The following REC8 variants were observed in gnomAD, a reference collection of about 807,000 sequenced individuals.
REC8 encodes meiotic recombination protein REC8 homolog.
Under a neutral mutation model 78.3 loss-of-function variants are expected in REC8, and 42 were observed. That is an observed-to-expected ratio of 0.54 (90% CI 0.42 to 0.69). The LOEUF (loss-of-function observed/expected upper bound fraction) is 0.69. REC8 is among the 30% of genes least tolerant of loss of function. The probability of loss-of-function intolerance (pLI) is 0.00; values close to 1 mark genes in which losing one functional copy is unlikely to be tolerated. For synonymous variants in REC8, 268 were observed against 274.1 expected, an observed-to-expected ratio of 0.98 and a Z score of 0.22; for missense variants, 581 against 715.8, an observed-to-expected ratio of 0.81 and a Z score of 2.15.
In REC8 at chr14:24,172,578, A is replaced by T; in HGVS notation, c.26A>T (p.Gln9Leu). 1 of 1,613,250 alleles carries T rather than the reference A, an allele frequency of 6.2e-7. No individual in the cohort carries two copies. Among genetic ancestry groups the T allele is most frequent in the Admixed American group, 1.7e-5 (1 of 59,952 alleles). Residue 9 changes from glutamine (Q) to leucine (L), a missense_variant, in exon 1 of 19, where the codon CAG becomes CTG. Coordinates refer to ENST00000611366, the MANE Select transcript of REC8 (RefSeq NM_001048205.2). MFYYPNVL[Q>L]RHTGCFATIW... is the part of the protein sequence containing the mutation. The stretch of plus-strand genomic sequence containing the variant: ...ATGTTCTACTATCCCAACGTGCTTC[A>T]GCGCCACACCGGCTGCTTTGCCACC...
At chr14:24,180,366 G>C (rs1048554), downstream of REC8, 8 of 1,544,012 alleles carry the variant, frequency 5.2e-6, no homozygotes, top group Admixed American at 5.9e-5. Context: ...TGGTAAGGCA[G>C]AACTGAACTG....
rs569079829 is a variant in REC8, at chr14:24,173,886, G to A, written c.462+475G>A. On this transcript the variant is annotated intron_variant, in intron 5 of 18. Transcript: ENST00000611366. ...TTACTATTATTATTATTATTTTTGAGACAGGATCTTGCTCTGTGGCCCAGG... is the reference window on the plus strand; with the variant it reads ...TTACTATTATTATTATTATTTTTGAAACAGGATCTTGCTCTGTGGCCCAGG... 3.6e-4 allele frequency among the ~76,000 whole-genome samples: 55 copies of A among 152,042 alleles called. No individual in the cohort carries two copies. The South Asian group carries it at 5.0e-3, about 14-fold the overall frequency.
chr14:24,180,393 T>TA (rs747717354), downstream of REC8: 1 of 1,582,562 alleles, frequency 6.3e-7, no homozygotes, highest in African/African-American at 1.3e-5. Flanking sequence ...GAGGTGGTCT[T>TA]AAGGCCTGGG....
intron 7 of REC8, 97 bp from the exon 8 acceptor site, chr14:24,177,044 C>T: frequency 3.6e-6 from 5 of 1,374,426 alleles, no homozygotes; most frequent in East Asian, 2.3e-5. Context: ...TTGAACCTGG[C>T]CCTGTGGCAT....
At chr14:24,179,155 G>A (rs762628592) in intron 15 of REC8, 22 bp downstream of exon 15, 42 of 1,553,298 alleles carry the variant, frequency 2.7e-5, no homozygotes, top group South Asian at 5.8e-5. Context: ...GAGAAGAGGC[G>A]CAGTGGGACC....
chr14:24,175,963 A>T (rs1167172709), intron 6 of REC8, among the ~76,000 whole-genome samples: 1 of 151,156 alleles, frequency 6.6e-6, no homozygotes. Flanking sequence ...TCGGCCTCCC[A>T]AAGTGCTAGG....
chr14:24,175,732 T>C (rs1456325878), intron 6 of REC8, 108 bp downstream of exon 6: 2 of 757,198 alleles, frequency 2.6e-6, no homozygotes, highest in Non-Finnish European at 4.4e-6. Flanking sequence ...GGCGCTTTTT[T>C]TTTTTTTCGA....
chr14:24,176,977 T>C, intron 7 of REC8, 76 bp downstream of exon 7: 4 of 1,405,824 alleles, frequency 2.8e-6, no homozygotes, highest in Non-Finnish European at 4.0e-6. Flanking sequence ...AGTCCTGCCT[T>C]TTCTGTCTCC....
At position 24,172,327 on chromosome 14, in the gene REC8, C is replaced by T; in HGVS notation, c.-226C>T. ...GGCGTGCGGATCCACTGAGGGTCCACAGAGAGGGGCGCCCATCTCCTGCGT... is the reference window on the plus strand; with the variant it reads ...GGCGTGCGGATCCACTGAGGGTCCATAGAGAGGGGCGCCCATCTCCTGCGT... On this transcript the variant is annotated 5_prime_UTR_variant, in exon 1 of 19. Coordinates refer to ENST00000611366, the MANE Select transcript of REC8 (RefSeq NM_001048205.2). 2 of 568,492 alleles carry T rather than the reference C, an allele frequency of 3.5e-6. No individual in the cohort carries two copies. The highest frequency in any genetic ancestry group is 2.9e-5 in the East Asian group (1 of 34,216). The allele number at this position is 568,492 out of a possible 1,614,324, so 35.2% of individuals were successfully genotyped here.
intron 13 of REC8, 52 bp downstream of exon 13, chr14:24,178,724 T>A: frequency 6.2e-7 from 1 of 1,612,758 alleles, no homozygotes; most frequent in South Asian, 1.1e-5. Flanking sequence ...AATTCCTCAT[T>A]CCTGGTGCTC....
chr14:24,179,551 A>C, intron 16 of REC8, 44 bp from the exon 17 acceptor site: 2 of 1,613,988 alleles, frequency 1.2e-6, no homozygotes, highest in South Asian at 1.1e-5. Flanking sequence ...GCCCCTTGTC[A>C]CTGTCACAGC....
rs1393246383 is a variant in REC8 at position 24,180,025 on chromosome 14, A to G, written c.1574A>G (p.Gln525Arg). 21 of 1,614,132 alleles carry G rather than the reference A, an allele frequency of 1.3e-5. No homozygotes were observed. The highest frequency in any genetic ancestry group is 1.8e-5 in the Non-Finnish European group (21 of 1,180,014). The change falls in exon 19 of 19, where the codon CAG becomes CGG. Residue 525 changes from glutamine to arginine, a missense_variant. Physicochemically the swap from Gln to Arg is conservative, Grantham distance 43. Coordinates refer to ENST00000611366, the MANE Select transcript of REC8 (RefSeq NM_001048205.2). Reference sequence around the variant, plus strand: ...TCTTGACCAGTGCTCTCAGCGCAACAGATTCTTCACGTGAAACAAGAAAAG... The same window carrying G: ...TCTTGACCAGTGCTCTCAGCGCAACGGATTCTTCACGTGAAACAAGAAAAG... ...FYLLLVLSAQQILHVKQEKPY... is the reference protein window; with the variant it reads ...FYLLLVLSAQRILHVKQEKPY...
At position 24,178,867 on chromosome 14, in the gene REC8, C is replaced by T; in HGVS notation, c.1154C>T (p.Ala385Val). The T allele has an allele frequency of 1.2e-6, 2 of 1,613,618 alleles. No individual in the cohort carries two copies. The highest frequency in any genetic ancestry group is 1.7e-6 in the Non-Finnish European group (2 of 1,179,982). Reference protein sequence around the residue: ...KALRRELPEEAAAEEERRKIE... With the variant: ...KALRRELPEEVAAEEERRKIE... Reference sequence around the variant, plus strand: ...CTCAGGCGAGAGCTGCCTGAGGAGGCAGCCGCTGAGGAGGAAAGGAGAAAG... The same window carrying T: ...CTCAGGCGAGAGCTGCCTGAGGAGGTAGCCGCTGAGGAGGAAAGGAGAAAG... The change falls in exon 14 of 19, where the codon GCA (alanine) becomes GTA (valine). Residue 385 changes from alanine to valine, a missense_variant. Ala to Val is a moderately conservative substitution (Grantham distance 64). Transcript: ENST00000611366.
At position 24,178,641 on chromosome 14, in the gene REC8, C is replaced by A. The variant is rs1444176889; in HGVS notation, c.1032C>A (p.Gly344=). ...AGCCGCCCGAGAGGACCATCAGAGGCCCTGCGGAGTTGTTCAGAACCCCAA... is the reference window on the plus strand; with the variant it reads ...AGCCGCCCGAGAGGACCATCAGAGGACCTGCGGAGTTGTTCAGAACCCCAA... The part of the protein sequence containing the change: ...MVQPPERTIR[G]PAELFRTPTL... Residue 344 remains glycine (G), a synonymous_variant, in exon 13 of 19, where the codon GGC becomes GGA. Coordinates refer to ENST00000611366, the MANE Select transcript of REC8 (RefSeq NM_001048205.2). 1 of 1,614,076 alleles carries A rather than the reference C, an allele frequency of 6.2e-7. No individual in the cohort carries two copies. The highest frequency in any genetic ancestry group is 1.7e-5 in the Admixed American group (1 of 60,020).
At chr14:24,175,418 T>C in intron 5 of REC8, 125 bp from the exon 6 acceptor site, 1 of 744,496 alleles carries the variant, frequency 1.3e-6, no homozygotes, top group South Asian at 1.6e-5. Flanking sequence ...TGCAAGCTGA[T>C]GTCAATGCAA....
chr14:24,172,656 C>T, intron 1 of REC8, 48 bp downstream of exon 1: 1 of 1,612,932 alleles, frequency 6.2e-7, no homozygotes, highest in African/African-American at 1.3e-5. Context: ...TGCCCGGGAT[C>T]CCAGCCTGAC....
At chr14:24,178,055 G>A in intron 11 of REC8, 36 bp from the exon 12 acceptor site, 7 of 1,593,126 alleles carry the variant, frequency 4.4e-6, no homozygotes, top group Non-Finnish European at 6.0e-6. Context: ...GGAGTAATGG[G>A]CAGCCTTGCC....
At position 24,179,697 on chromosome 14, in the gene REC8, C is replaced by T. The variant is rs779120118; in HGVS notation, c.1422C>T (p.Leu474=). ...MEMPLVLPPE[L]ELLSLEAVHR... is the part of the protein sequence containing the mutation. ...TGCCTTTGGTGCTGCCCCCAGAGCT[C>T]GAGCTGCTCTCACTGGAAGCAGTGC... The change falls in exon 17 of 19, where the codon CTC becomes CTT. Residue 474 remains leucine (L), a synonymous_variant. Transcript: ENST00000611366. The T allele has an allele frequency of 2.8e-5, 45 of 1,614,086 alleles. No homozygotes were observed. The highest frequency in any genetic ancestry group is 3.6e-5 in the Non-Finnish European group (42 of 1,180,050).
At chr14:24,179,231 G>C in intron 15 of REC8, 98 bp downstream of exon 15, 1 of 1,200,846 alleles carries the variant, frequency 8.3e-7, no homozygotes, top group South Asian at 1.3e-5. Flanking sequence ...GAGTGAAGGC[G>C]TGTGTGTGTG....
Sources: gnomAD v4.1 joint callset for allele counts (sites outside exome capture counted in the v4.1 genomes callset) on GRCh38, gnomAD v4.1.1 for gene constraint, MANE v1.5 for transcripts, NCBI Gene and HGNC (gene_info 2026-07-23, HGNC 2026-07-21) for gene names.